The following CDH11 variants were observed in gnomAD, a reference collection of about 807,000 sequenced individuals.
The protein encoded by CDH11 is cadherin 11.
In CDH11, 11 loss-of-function variants were observed where a neutral mutation model predicts 67.8. The observed-to-expected ratio is 0.16, with a 90% CI of 0.10 to 0.27. The LOEUF (loss-of-function observed/expected upper bound fraction) is 0.27. CDH11 is among the 10% of genes least tolerant of loss of function. CDH11 has a pLI of 1.00. For synonymous variants in CDH11, 419 were observed against 400.0 expected (o/e 1.05, Z -0.57); for missense variants, 847 against 1,031.2 (o/e 0.82, Z 2.45).
chr16:65,092,619 G>A (rs1237596394), intron 1 of CDH11, among the ~76,000 whole-genome samples: 1 of 152,138 alleles, frequency 6.6e-6, no homozygotes, highest in African/African-American at 2.4e-5. Flanking sequence ...CAGCCAAGTG[G>A]CCAAGCCCAG....
chr16:65,069,383 T>C (rs2074375326), intron 1 of CDH11, among the ~76,000 whole-genome samples: 1 of 150,812 alleles, frequency 6.6e-6, no homozygotes, highest in Non-Finnish European at 1.5e-5. Context: ...GAATTCTGGG[T>C]GAATTCTTTC....
intron 2 of CDH11, among the ~76,000 whole-genome samples, chr16:65,046,862 C>A (rs996561910): frequency 1.3e-5 from 2 of 152,146 alleles, no homozygotes; most frequent in Admixed American, 6.5e-5. Context: ...AATTCCAGCA[C>A]TTTGGGAGGC....
At chr16:65,094,109 C>T (rs1310599360) in intron 1 of CDH11, among the ~76,000 whole-genome samples, 1 of 152,122 alleles carries the variant, frequency 6.6e-6, no homozygotes, top group Non-Finnish European at 1.5e-5. Flanking sequence ...TCATAAATAC[C>T]AGCAATGCAC....
intron 1 of CDH11, among the ~76,000 whole-genome samples, chr16:65,114,485 C>T (rs2075209653): frequency 6.6e-6 from 1 of 151,884 alleles, no homozygotes; most frequent in Admixed American, 6.6e-5. Context: ...AGTCATTTTC[C>T]TATTTGTAAA....
At chr16:64,954,570 A>G (rs2071452319) in intron 11 of CDH11, among the ~76,000 whole-genome samples, 1 of 152,126 alleles carries the variant, frequency 6.6e-6, no homozygotes, top group Admixed American at 6.5e-5. Context: ...CACATTACTG[A>G]GATCCTCCAG....
chr16:65,050,796 T>TA (rs34691456), intron 2 of CDH11, among the ~76,000 whole-genome samples: 350 of 144,686 alleles, frequency 2.4e-3, no homozygotes, highest in Middle Eastern at 3.5e-3. Flanking sequence ...ATTTCCAGGT[T>TA]AAAAAAAAAA....
chr16:65,037,111 C>T (rs74026232), intron 2 of CDH11, among the ~76,000 whole-genome samples: 1,820 of 152,216 alleles, frequency 0.012, 38 homozygotes, highest in African/African-American at 0.041. Flanking sequence ...AGGGAAAACC[C>T]GATAGCTCAG....
chr16:65,078,579 A>G (rs1173063422), intron 1 of CDH11, among the ~76,000 whole-genome samples: 1 of 152,242 alleles, frequency 6.6e-6, no homozygotes, highest in Non-Finnish European at 1.5e-5. Flanking sequence ...AGAACTTTCC[A>G]GAAACTTCAT....
chr16:65,018,468 T>C (rs1366634211), intron 2 of CDH11, among the ~76,000 whole-genome samples: 2 of 152,160 alleles, frequency 1.3e-5, no homozygotes, highest in Non-Finnish European at 2.9e-5. Context: ...TATATTGCCA[T>C]AAGGTAAGAA....
At position 64,982,271 on chromosome 16, in the gene CDH11, T is replaced by C. The variant is rs753518457; in HGVS notation, c.1030A>G (p.Ser344Gly). 3.1e-6 allele frequency: 5 copies of C among 1,613,040 alleles called. No individual in the cohort carries two copies. In the East Asian group the frequency reaches 8.9e-5, roughly 29 times the overall value. ...ACGTTGGCTGCCTCTACCTTCAAGC[T>C]ATAGGCTCTTTTGGTTTCAAAATCT... ...PVDFETKRAY[S>G]LKVEAANVHI... Residue 344 changes from serine to glycine, a missense_variant, in exon 8 of 13, where the codon AGC (serine) becomes GGC (glycine). By Grantham distance (56) the Ser-to-Gly change is moderately conservative. Transcript: ENST00000268603.
chr16:64,951,033 G>C lies in CDH11; in HGVS notation c.1643-15C>G. 4 of 1,608,564 alleles carry C rather than the reference G, an allele frequency of 2.5e-6. No individual in the cohort carries two copies. The highest frequency in any genetic ancestry group is 3.4e-6 in the Non-Finnish European group (4 of 1,176,548). On this transcript the variant is annotated splice_polypyrimidine_tract_variant and intron_variant, in intron 11 of 12. Transcript: ENST00000268603. ...TGCTGTGTTATCTGCAGAAAGAGGG[G>C]AGACAGGCCGTGCGCCCAGTCAAGA...
intron 1 of CDH11, among the ~76,000 whole-genome samples, chr16:65,079,364 A>C: frequency 6.6e-6 from 1 of 152,352 alleles, no homozygotes; most frequent in Admixed American, 6.5e-5. Flanking sequence ...GCATTTTATT[A>C]TGAAAAAAAT....
chr16:64,972,228 G>C (rs533267558), intron 9 of CDH11, among the ~76,000 whole-genome samples, 164 bp from the exon 10 acceptor site: 1 of 152,244 alleles, frequency 6.6e-6, no homozygotes, highest in East Asian at 1.9e-4. Context: ...GCTGTTAGTG[G>C]GAGAGGCATA....
intron 1 of CDH11, among the ~76,000 whole-genome samples, chr16:65,057,610 A>G (rs993406561): frequency 3.9e-5 from 6 of 152,082 alleles, no homozygotes; most frequent in African/African-American, 7.2e-5. Context: ...CTAAGCTCTG[A>G]TTGTGTGGAA....
At chr16:65,104,864 C>T (rs1242883493) in intron 1 of CDH11, among the ~76,000 whole-genome samples, 5 of 152,186 alleles carry the variant, frequency 3.3e-5, no homozygotes, top group Admixed American at 2.6e-4. Context: ...CAAGGAAGTA[C>T]GTAAGCTGAC....
chr16:65,039,383 A>ACAGAG (rs1179907969), intron 2 of CDH11, among the ~76,000 whole-genome samples: 1 of 152,200 alleles, frequency 6.6e-6, no homozygotes, highest in East Asian at 1.9e-4. Context: ...ATGGAACAGA[A>ACAGAG]CAGAGCCCTC....
chr16:64,982,436 C>G, intron 7 of CDH11, 135 bp from the exon 8 acceptor site: 2 of 695,134 alleles, frequency 2.9e-6, no homozygotes, highest in Non-Finnish European at 4.8e-6. Context: ...TTCCAATTAC[C>G]TGAGCCATTT....
At position 65,048,281 on chromosome 16, in the gene CDH11, A is replaced by G. The variant is rs1366740792; in HGVS notation, c.-173+5523T>C. On this transcript the variant is annotated intron_variant, in intron 2 of 12. Coordinates refer to ENST00000268603, the MANE Select transcript of CDH11 (RefSeq NM_001797.4). ...AGAATGTGAAGAAAGAGGAATGTGT[A>G]TACACTGTTAGTATGAATTCAAATT... Among the ~76,000 whole-genome samples, 3 of 152,194 alleles carry G rather than the reference A, an allele frequency of 2.0e-5. No homozygotes were observed. The East Asian group carries it at 5.8e-4, about 29-fold the overall frequency.
chr16:65,020,851 T>C (rs939912130), intron 2 of CDH11, among the ~76,000 whole-genome samples: 1 of 152,072 alleles, frequency 6.6e-6, no homozygotes, highest in Non-Finnish European at 1.5e-5. Flanking sequence ...AGTTTTTAGG[T>C]TTTTCTTACT....
Sources: gnomAD v4.1 joint callset for allele counts (sites outside exome capture counted in the v4.1 genomes callset) on GRCh38, gnomAD v4.1.1 for gene constraint, MANE v1.5 for transcripts, NCBI Gene and HGNC (gene_info 2026-07-23, HGNC 2026-07-21) for gene names.